CYB5RL: variants seen among roughly 807,000 people sequenced by gnomAD.
CYB5RL encodes the protein NADH-cytochrome b5 reductase-like.
A neutral mutation model predicts 37.5 loss-of-function variants in CYB5RL; 38 were observed. That is an observed-to-expected ratio of 1.01 (90% confidence interval 0.78 to 1.33). CYB5RL has a LOEUF of 1.33. CYB5RL is among the 40% of genes most tolerant of loss of function. The probability of loss-of-function intolerance (pLI) is 0.00; values close to 1 mark genes in which losing one functional copy is unlikely to be tolerated. For synonymous variants in CYB5RL, 141 were observed against 151.9 expected, an observed-to-expected ratio of 0.93 and a Z score of 0.53; for missense variants, 388 against 394.4, an observed-to-expected ratio of 0.98 and a Z score of 0.14.
At chr1:54,189,380 C>T (rs1570114094) in intron 4 of CYB5RL, among the ~76,000 whole-genome samples, 2 of 151,920 alleles carry the variant, frequency 1.3e-5, no homozygotes, top group African/African-American at 2.4e-5. Context: ...GCAGGATAGG[C>T]CAGCCACTGA....
chr1:54,190,837 G>A lies in CYB5RL; in HGVS notation c.258C>T (p.Asp86=), dbSNP rs1411898767. ...CACGGTAGGTGTCCTTAGTGAGCCT[G>A]TCCATGGCAATGATGCAGAAGGCCA... is the stretch of plus-strand genomic sequence containing the variant. ...TFVAFCIIAM[D]RLTKDTYRVR... Residue 86 remains aspartate (D), a synonymous_variant, in exon 4 of 8, where the codon GAC becomes GAT. Transcript: ENST00000534324. 3 of 1,606,450 alleles carry A rather than the reference G, an allele frequency of 1.9e-6. No individual in the cohort carries two copies. Among genetic ancestry groups the A allele is most frequent in the Non-Finnish European group, 2.5e-6 (3 of 1,176,704 alleles).
chr1:54,199,335 G>C (rs1053824003), intron 1 of CYB5RL, among the ~76,000 whole-genome samples: 1 of 152,228 alleles, frequency 6.6e-6, no homozygotes, highest in Non-Finnish European at 1.5e-5. Flanking sequence ...CTTAGGGTGA[G>C]AAACAGTTAT....
intron 7 of CYB5RL, 61 bp from the exon 8 acceptor site, chr1:54,174,883 C>A: frequency 6.5e-7 from 1 of 1,541,978 alleles, no homozygotes. Context: ...AGTGTTCACA[C>A]AGCCAGCTCT....
At chr1:54,181,080 C>T (rs1660148479) in intron 6 of CYB5RL, among the ~76,000 whole-genome samples, 1 of 152,224 alleles carries the variant, frequency 6.6e-6, no homozygotes, top group African/African-American at 2.4e-5. Flanking sequence ...ATTCCTCCCC[C>T]TCCCTAAGCT....
At chr1:54,188,662 A>C (rs914514060) in intron 4 of CYB5RL, among the ~76,000 whole-genome samples, 1 of 152,244 alleles carries the variant, frequency 6.6e-6, no homozygotes, top group Non-Finnish European at 1.5e-5. Flanking sequence ...TGAGGAATCC[A>C]GTGCTTAGAG....
chr1:54,184,474 C>T, intron 5 of CYB5RL: 1 of 523,520 alleles, frequency 1.9e-6, no homozygotes, highest in Non-Finnish European at 3.4e-6. Flanking sequence ...AGACAGGAGG[C>T]TGGGATGAGA....
rs529653153 is a variant in CYB5RL, at chr1:54,170,062, G to A, written c.*4557C>T. 1 of 152,316 alleles carries A rather than the reference G, an allele frequency of 6.6e-6. No individual in the cohort carries two copies. The highest frequency in any genetic ancestry group is 2.4e-5 in the African/African-American group (1 of 41,568). The allele number at this position is 152,316 out of a possible 1,614,324, so 9.4% of individuals were successfully genotyped here. A position where few individuals can be genotyped will look rare whatever the true frequency, so the allele number is the denominator to read the frequency against. On this transcript the variant is annotated 3_prime_UTR_variant, in exon 8 of 8. Coordinates refer to ENST00000534324, the MANE Select transcript of CYB5RL (RefSeq NM_001031672.4). ...GTTCACTTTAATTGCTGTATCTACA[G>A]GCAGTTTTTAATTCCTTGCTATTTC...
chr1:54,184,121 C>T, intron 6 of CYB5RL, 40 bp downstream of exon 6: 1 of 1,568,364 alleles, frequency 6.4e-7, no homozygotes, highest in Non-Finnish European at 8.7e-7. Flanking sequence ...AAACCACAGT[C>T]AACAGGGATC....
At position 54,172,128 on chromosome 1, in the gene CYB5RL, C is replaced by T. The variant is rs959022190; in HGVS notation, c.*2491G>A. 1 of 152,442 alleles carries T rather than the reference C, an allele frequency of 6.6e-6. No homozygotes were observed. The highest frequency in any genetic ancestry group is 1.5e-5 in the Non-Finnish European group (1 of 68,338). The allele number at this position is 152,442 out of a possible 1,614,324, so 9.4% of individuals were successfully genotyped here. A position where few individuals can be genotyped will look rare whatever the true frequency, so the allele number is the denominator to read the frequency against. ...AGATACGAGAACTGCCCCGGACTCTCTACTCCTTAAGTGGAGACCCCCTTA... is the reference window on the plus strand; with the variant it reads ...AGATACGAGAACTGCCCCGGACTCTTTACTCCTTAAGTGGAGACCCCCTTA... On this transcript the variant is annotated 3_prime_UTR_variant, in exon 8 of 8. Coordinates refer to ENST00000534324, the MANE Select transcript of CYB5RL (RefSeq NM_001031672.4).
chr1:54,187,607 T>G (rs754915949), intron 5 of CYB5RL, 45 bp downstream of exon 5: 2 of 1,583,788 alleles, frequency 1.3e-6, no homozygotes, highest in African/African-American at 2.7e-5. Flanking sequence ...CTTAGACCCA[T>G]AGCTTCTCCA....
In CYB5RL at chr1:54,173,264, T is replaced by C. The variant is rs536363308; in HGVS notation, c.*1355A>G. On this transcript the variant is annotated 3_prime_UTR_variant, in exon 8 of 8. Coordinates refer to ENST00000534324, the MANE Select transcript of CYB5RL (RefSeq NM_001031672.4). The stretch of plus-strand genomic sequence containing the variant: ...GGCTAGGAAAATCCTTTTGTACAAA[T>C]AAAAATAATTCAAAACCCCAATATA... 6 of 152,250 alleles carry C rather than the reference T, an allele frequency of 3.9e-5. No homozygotes were observed. The East Asian group carries it at 1.2e-3, about 29-fold the overall frequency. The allele number at this position is 152,250 out of a possible 1,614,324, so 9.4% of individuals were successfully genotyped here.
At chr1:54,198,772 T>C (rs1169670923) in intron 1 of CYB5RL, among the ~76,000 whole-genome samples, 3 of 151,664 alleles carry the variant, frequency 2.0e-5, no homozygotes, top group Non-Finnish European at 4.4e-5. Flanking sequence ...CCTAGATCTA[T>C]AGGTGCGTGC....
At chr1:54,185,438 T>G (rs1660265418) in intron 5 of CYB5RL, 1 of 151,922 alleles carries the variant, frequency 6.6e-6, no homozygotes, top group African/African-American at 2.4e-5. Context: ...CATGGTAGGG[T>G]GAGGGTGAGG....
At chr1:54,198,630 CTT>C (rs145616563) in intron 1 of CYB5RL, among the ~76,000 whole-genome samples, 11 of 103,920 alleles carry the variant, frequency 1.1e-4, no homozygotes, top group East Asian at 2.8e-4. Context: ...CATGCCCGGC[CTT>C]TTTTTTTTTT....
At chr1:54,195,387 T>G in intron 3 of CYB5RL, 32 bp downstream of exon 3, 1 of 1,538,176 alleles carries the variant, frequency 6.5e-7, no homozygotes, top group Non-Finnish European at 8.8e-7. Context: ...ATTGTTGCCC[T>G]GGTGCTCATA....
intron 6 of CYB5RL, chr1:54,179,836 T>A: frequency 2.4e-6 from 1 of 419,936 alleles, no homozygotes; most frequent in Admixed American, 2.6e-5. Flanking sequence ...CCAGGGTACC[T>A]CTGCAGAGAT....
At chr1:54,196,782 C>T (rs1644011075) in intron 1 of CYB5RL, among the ~76,000 whole-genome samples, 1 of 152,216 alleles carries the variant, frequency 6.6e-6, no homozygotes, top group Admixed American at 6.5e-5. Flanking sequence ...AGGGTTTTAA[C>T]TCTGGCATGT....
chr1:54,180,691 C>A (rs1660138738), intron 6 of CYB5RL, among the ~76,000 whole-genome samples: 1 of 152,054 alleles, frequency 6.6e-6, no homozygotes, highest in South Asian at 2.1e-4. Context: ...TATTTACCAC[C>A]CTCATTCTAG....
chr1:54,180,956 T>A (rs1038514341), intron 6 of CYB5RL, among the ~76,000 whole-genome samples: 1 of 151,534 alleles, frequency 6.6e-6, no homozygotes, highest in Non-Finnish European at 1.5e-5. Flanking sequence ...GTTGGGGCTG[T>A]AGTGAACCAT....
Sources: allele counts gnomAD v4.1 joint callset (sites outside exome capture counted in the v4.1 genomes callset), GRCh38; gene constraint gnomAD v4.1.1; transcripts MANE v1.5; gene names NCBI Gene and HGNC (gene_info 2026-07-23, HGNC 2026-07-21).